Variants in APBA3 observed in about 807,000 individuals in gnomAD.
The protein encoded by APBA3 is amyloid-beta A4 precursor protein-binding family A member 3.
In APBA3, 45 loss-of-function variants were observed where a neutral mutation model predicts 55.9. The ratio of observed to expected loss-of-function variants is 0.80; its 90% CI spans 0.63 to 1.03. The LOEUF (loss-of-function observed/expected upper bound fraction) is 1.03. Ranked by LOEUF, APBA3 falls within the 50% of genes least tolerant of loss-of-function variation. The probability of loss-of-function intolerance (pLI) is 0.00; values close to 1 mark genes in which losing one functional copy is unlikely to be tolerated. For missense variants in APBA3, 865 were observed against 820.3 expected, an observed-to-expected ratio of 1.05 and a Z score of -0.67; for synonymous variants, 370 against 353.3, an observed-to-expected ratio of 1.05 and a Z score of -0.53.
intron 3 of APBA3, 30 bp from the exon 4 acceptor site, chr19:3,754,370 C>T (rs2145720317): frequency 6.5e-7 from 1 of 1,540,158 alleles, no homozygotes; most frequent in South Asian, 1.2e-5. Context: ...GGGTCGGCCC[C>T]CAGGGGCCCA....
chr19:3,751,956 T>TC (rs34879417), intron 8 of APBA3: 1 of 225,300 alleles, frequency 4.4e-6, no homozygotes, highest in African/African-American at 2.4e-5. Context: ...ACACCTGTAA[T>TC]CCCAGCACTG....
chr19:3,753,052 C>T, intron 6 of APBA3, 62 bp from the exon 7 acceptor site: 2 of 1,575,558 alleles, frequency 1.3e-6, no homozygotes, highest in Non-Finnish European at 1.7e-6. Flanking sequence ...TCCCCAAAGT[C>T]CCCAGGGTCC....
rs376624364 is a variant in APBA3, at chr19:3,750,993, C to T, written c.*33G>A. The T allele has an allele frequency of 1.0e-5, 16 of 1,551,248 alleles. No homozygotes were observed. Among genetic ancestry groups the T allele is most frequent in the South Asian group, 5.9e-5 (5 of 84,156 alleles). ...GGATGGGGCTCCGGGGCCATGGAGG[C>T]GAAGGCACAGTGGCAGGCAAGGGAT... On this transcript the variant is annotated 3_prime_UTR_variant, in exon 11 of 11. Transcript: ENST00000316757.
intron 9 of APBA3, 52 bp from the exon 10 acceptor site, chr19:3,751,381 G>A (rs750633331): frequency 1.2e-5 from 18 of 1,514,882 alleles, no homozygotes; most frequent in Middle Eastern, 2.3e-4. Context: ...CTCAGGGGCC[G>A]TGCTCAGGGC....
At position 3,750,859 on chromosome 19, in the gene APBA3, A is replaced by G; in HGVS notation, c.*167T>C. On this transcript the variant is annotated 3_prime_UTR_variant, in exon 11 of 11. Coordinates refer to ENST00000316757, the MANE Select transcript of APBA3 (RefSeq NM_004886.4). ...GGAAGGACAAGGTCCTCGGTCCCGT[A>G]GACCCTGATCCGAGACTTTGCCAAA... 1 of 998,916 alleles carries G rather than the reference A, an allele frequency of 1.0e-6. No homozygotes were observed. The allele number at this position is 998,916 out of a possible 1,614,324, so 61.9% of individuals were successfully genotyped here.
At chr19:3,756,622 C>G (rs1374627899) in intron 3 of APBA3, 1 of 152,098 alleles carries the variant, frequency 6.6e-6, no homozygotes, top group African/African-American at 2.4e-5. Flanking sequence ...ACTCAGGAGG[C>G]TGAGGCGAGA....
intron 6 of APBA3, 67 bp from the exon 7 acceptor site, chr19:3,753,057 G>A: frequency 6.4e-7 from 1 of 1,571,520 alleles, no homozygotes; most frequent in Non-Finnish European, 8.6e-7. Flanking sequence ...AAAGTCCCCA[G>A]GGTCCTCAGA....
At chr19:3,752,190 C>G (rs1599170773) in intron 8 of APBA3, among the ~76,000 whole-genome samples, 2 of 152,120 alleles carry the variant, frequency 1.3e-5, no homozygotes, top group East Asian at 3.9e-4. Flanking sequence ...CCAGCCTGGG[C>G]AAGAGTGAGA....
rs901580965 is a variant in APBA3, at chr19:3,753,931, G to A, written c.850-5C>T. 5 of 1,554,770 alleles carry A rather than the reference G, an allele frequency of 3.2e-6. No individual in the cohort carries two copies. The South Asian group carries it at 3.5e-5, about 11-fold the overall frequency. Reference sequence around the variant, plus strand: ...GGCGTGGTCCATCATGGCCTCCTGGGGCGGGAGAGGCAGCCTGGGTGGGTT... The same window carrying A: ...GGCGTGGTCCATCATGGCCTCCTGGAGCGGGAGAGGCAGCCTGGGTGGGTT... On this transcript the variant is annotated splice_region_variant and splice_polypyrimidine_tract_variant and intron_variant, in intron 5 of 10. Coordinates refer to ENST00000316757, the MANE Select transcript of APBA3 (RefSeq NM_004886.4).
rs571161909 is a variant in APBA3 at position 3,758,181 on chromosome 19, A to G, written c.616+1380T>C. On this transcript the variant is annotated intron_variant, in intron 3 of 10. Transcript: ENST00000316757. Reference sequence around the variant, plus strand: ...GAACTCCTGACCTAGTGATCTGCCCACCTTGGCCTCCCAAAGTGCTGGGAT... The same window carrying G: ...GAACTCCTGACCTAGTGATCTGCCCGCCTTGGCCTCCCAAAGTGCTGGGAT... Among the ~76,000 whole-genome samples the G allele has an allele frequency of 9.2e-5, 14 of 151,828 alleles. No homozygotes were observed. The East Asian group carries it at 2.0e-3, about 21-fold the overall frequency.
Position 3,751,249 on chromosome 19 carries a change from C to T in APBA3, c.1596G>A (p.Gln532=). 1 of 1,547,388 alleles carries T rather than the reference C, an allele frequency of 6.5e-7. No homozygotes were observed. Among genetic ancestry groups the T allele is most frequent in the Admixed American group, 1.9e-5 (1 of 51,294 alleles). Residue 532 remains glutamine, a synonymous_variant, in exon 10 of 11, where the codon CAG becomes CAA. Coordinates refer to ENST00000316757, the MANE Select transcript of APBA3 (RefSeq NM_004886.4). ...VGHRIIEING[Q]SVVATPHARI... is the part of the protein sequence containing the mutation. ...GGGCGTGTGGCGTGGCCACCACACTCTGCCCATTGATCTCAATGATGCGGT... is the reference window on the plus strand; with the variant it reads ...GGGCGTGTGGCGTGGCCACCACACTTTGCCCATTGATCTCAATGATGCGGT...
rs765746388 is a variant in APBA3, at chr19:3,760,184, A to C, written c.81T>G (p.Pro27=). ...GGCTGTCAGGGGTGAGGTCCTCCGA[A>C]GGCACAAGAATGTCCCTGGGCCCCT... ...DLEGPRDILV[P]SEDLTPDSQW... is the part of the protein sequence containing the mutation. Residue 27 remains proline, a synonymous_variant, in exon 2 of 11, where the codon CCT becomes CCG. Coordinates refer to ENST00000316757, the MANE Select transcript of APBA3 (RefSeq NM_004886.4). 6.2e-7 allele frequency: 1 copy of C among 1,613,050 alleles called. No homozygotes were observed. The highest frequency in any genetic ancestry group is 8.5e-7 in the Non-Finnish European group (1 of 1,180,004).
In APBA3 at chr19:3,750,777, C is replaced by A; in HGVS notation, c.*249G>T. The A allele has an allele frequency of 1.7e-6, 2 of 1,154,180 alleles. No individual in the cohort carries two copies. Among genetic ancestry groups the A allele is most frequent in the Non-Finnish European group, 2.5e-6 (2 of 793,524 alleles). 71.5% of individuals were successfully genotyped at this position (1,154,180 alleles called of 1,614,324 possible). A position where few individuals can be genotyped will look rare whatever the true frequency, so the allele number is the denominator to read the frequency against. On this transcript the variant is annotated 3_prime_UTR_variant, in exon 11 of 11. Coordinates refer to ENST00000316757, the MANE Select transcript of APBA3 (RefSeq NM_004886.4). Reference sequence around the variant, plus strand: ...ACAGAACCCACAACCTTACCTCCCTCCGCCTGGTCTTTAATAAACAGAGTA... The same window carrying A: ...ACAGAACCCACAACCTTACCTCCCTACGCCTGGTCTTTAATAAACAGAGTA...
rs556922281 is a variant in APBA3, at chr19:3,753,612, C to T, written c.1011+153G>A. 6.3e-6 allele frequency: 5 copies of T among 792,174 alleles called. No homozygotes were observed. In the South Asian group the frequency reaches 8.4e-5, roughly 13 times the overall value. 49.1% of individuals were successfully genotyped at this position (792,174 alleles called of 1,614,324 possible). A position where few individuals can be genotyped will look rare whatever the true frequency, so the allele number is the denominator to read the frequency against. Reference sequence around the variant, plus strand: ...AGTGAACTATGATTGCGCCACTGCACTCCAGCCTGGGTGACAGAAGGAGAC... The same window carrying T: ...AGTGAACTATGATTGCGCCACTGCATTCCAGCCTGGGTGACAGAAGGAGAC... On this transcript the variant is annotated intron_variant, in intron 6 of 10. Coordinates refer to ENST00000316757, the MANE Select transcript of APBA3 (RefSeq NM_004886.4).
chr19:3,758,536 C>T (rs765889095), intron 3 of APBA3, among the ~76,000 whole-genome samples: 2 of 152,046 alleles, frequency 1.3e-5, no homozygotes, highest in African/African-American at 2.4e-5. Flanking sequence ...TGGGATTACA[C>T]GTGTGAGCCA....
Position 3,759,875 on chromosome 19 carries a change from C to G in APBA3, c.390G>C (p.Glu130Asp), listed in dbSNP as rs753736959. 8 of 1,612,222 alleles carry G rather than the reference C, an allele frequency of 5.0e-6. No homozygotes were observed. The South Asian group carries it at 7.7e-5, about 15-fold the overall frequency. ...ECPPSQTGPE[E>D]PLEPAPRLLQ... ...ACAGTCGGGGGGCAGGCTCTAGAGG[C>G]TCTTCAGGACCAGTCTGGGAAGGCG... The change falls in exon 2 of 11, where the codon GAG (glutamate) becomes GAC (aspartate). Residue 130 changes from glutamate (E) to aspartate (D), a missense_variant. Transcript: ENST00000316757.
intron 3 of APBA3, among the ~76,000 whole-genome samples, chr19:3,757,149 G>A (rs1238634240): frequency 1.3e-5 from 2 of 150,840 alleles, no homozygotes; most frequent in Non-Finnish European, 2.9e-5. Context: ...TGGTCTCACT[G>A]TCACCCAGGC....
intron 3 of APBA3, 100 bp from the exon 4 acceptor site, chr19:3,754,440 T>C (rs1045626745): frequency 3.4e-6 from 5 of 1,458,550 alleles, no homozygotes; most frequent in Non-Finnish European, 3.7e-6. Context: ...CACAGTGTTC[T>C]AGCTGGTGGC....
chr19:3,751,079 G>A lies in APBA3; in HGVS notation c.1675C>T (p.Pro559Ser). 3 of 1,567,164 alleles carry A rather than the reference G, an allele frequency of 1.9e-6. No individual in the cohort carries two copies. Among genetic ancestry groups the A allele is most frequent in the Non-Finnish European group, 1.7e-6 (2 of 1,155,542 alleles). The change falls in exon 11 of 11, where the codon CCA becomes TCA. Residue 559 changes from proline (P) to serine (S), a missense_variant. By Grantham distance (74) the Pro-to-Ser change is moderately conservative. Transcript: ENST00000316757. ...GTAAGGAGGCGATATGTGGCAGCTGGCATCGTCTTGATATGCACCTGGGGA... is the reference window on the plus strand; with the variant it reads ...GTAAGGAGGCGATATGTGGCAGCTGACATCGTCTTGATATGCACCTGGGGA... ...AYGEVHIKTM[P>S]AATYRLLTGQ...
Sources: gnomAD v4.1 joint callset for allele counts (sites outside exome capture counted in the v4.1 genomes callset) on GRCh38, gnomAD v4.1.1 for gene constraint, MANE v1.5 for transcripts, NCBI Gene and HGNC (gene_info 2026-07-23, HGNC 2026-07-21) for gene names.